Variants in RERG observed in about 807,000 individuals in gnomAD.
The protein encoded by RERG is ras-related and estrogen-regulated growth inhibitor.
RERG carries 25 observed loss-of-function variants against 23.2 expected under a neutral mutation model. That is an observed-to-expected ratio of 1.08 (90% CI 0.79 to 1.50). The LOEUF is 1.50. RERG is among the 40% of genes most tolerant of loss of function. The pLI is 0.00. For synonymous variants in RERG, 81 were observed against 89.1 expected (o/e 0.91, Z 0.51); for missense variants, 253 against 250.1 (o/e 1.01, Z -0.08).
intron 2 of RERG, among the ~76,000 whole-genome samples, chr12:15,152,697 T>G (rs1184555527): frequency 6.6e-6 from 1 of 152,166 alleles, no homozygotes; most frequent in East Asian, 1.9e-4. Flanking sequence ...AATAGAAATT[T>G]GCTCTGAAGA....
intron 2 of RERG, among the ~76,000 whole-genome samples, chr12:15,124,506 G>A (rs1157607393): frequency 1.3e-5 from 2 of 151,972 alleles, no homozygotes; most frequent in Admixed American, 1.3e-4. Flanking sequence ...TATCATACTT[G>A]AAAAATATGT....
chr12:15,199,284 C>A (rs1185484820), intron 2 of RERG, among the ~76,000 whole-genome samples: 1 of 152,066 alleles, frequency 6.6e-6, no homozygotes, highest in Admixed American at 6.6e-5. Flanking sequence ...TAGTTGCTAT[C>A]ATTTCTATTG....
At chr12:15,170,350 A>G (rs549662094) in intron 2 of RERG, among the ~76,000 whole-genome samples, 1 of 152,020 alleles carries the variant, frequency 6.6e-6, no homozygotes, top group Admixed American at 6.6e-5. Flanking sequence ...GTGTAGGGGG[A>G]AGGGAGTGGG....
intron 2 of RERG, among the ~76,000 whole-genome samples, chr12:15,168,495 T>C (rs1281631033): frequency 6.6e-6 from 1 of 152,202 alleles, no homozygotes; most frequent in African/African-American, 2.4e-5. Context: ...CAAAATGAGA[T>C]AACACAAGTG....
chr12:15,196,557 T>C (rs1402773645), intron 2 of RERG, among the ~76,000 whole-genome samples: 3 of 152,158 alleles, frequency 2.0e-5, no homozygotes, highest in Admixed American at 6.5e-5. Flanking sequence ...CCCAAGACTG[T>C]AGACCTTGCA....
chr12:15,189,031 T>C (rs1402763856), intron 2 of RERG, among the ~76,000 whole-genome samples: 1 of 152,190 alleles, frequency 6.6e-6, no homozygotes, highest in Non-Finnish European at 1.5e-5. Flanking sequence ...GTGATGGTAA[T>C]GTTCTATGTT....
At chr12:15,166,039 A>G (rs185963980) in intron 2 of RERG, among the ~76,000 whole-genome samples, 1 of 152,208 alleles carries the variant, frequency 6.6e-6, no homozygotes, top group Non-Finnish European at 1.5e-5. Flanking sequence ...ACTAGAGATA[A>G]TTCAAAACCC....
At chr12:15,115,197 G>C (rs1032541751) in intron 3 of RERG, among the ~76,000 whole-genome samples, 1 of 152,004 alleles carries the variant, frequency 6.6e-6, no homozygotes, top group Non-Finnish European at 1.5e-5. Context: ...AGCGCATACT[G>C]CTTCTATTTG....
intron 2 of RERG, among the ~76,000 whole-genome samples, chr12:15,168,950 T>C (rs2136120234): frequency 6.6e-6 from 1 of 152,312 alleles, no homozygotes; most frequent in South Asian, 2.1e-4. Flanking sequence ...CATAGGCAAC[T>C]CAAGGGTATG....
intron 2 of RERG, among the ~76,000 whole-genome samples, chr12:15,136,382 TCA>T (rs1042059926): frequency 6.6e-6 from 1 of 152,050 alleles, no homozygotes; most frequent in Non-Finnish European, 1.5e-5. Context: ...TATTCTATTT[TCA>T]GTTACATTGA....
At chr12:15,161,211 AAAGAAAG>A (rs1864608340) in intron 2 of RERG, among the ~76,000 whole-genome samples, 1 of 134,334 alleles carries the variant, frequency 7.4e-6, no homozygotes, top group African/African-American at 2.6e-5. Flanking sequence ...AGAAAGAAAG[AAAGAAAG>A]AAAGAAAGAA....
intron 3 of RERG, among the ~76,000 whole-genome samples, chr12:15,116,298 A>G (rs1863720529): frequency 6.6e-6 from 1 of 152,180 alleles, no homozygotes; most frequent in Admixed American, 6.5e-5. Flanking sequence ...TTTTGAAAAG[A>G]CTGGCATCAG....
At chr12:15,151,303 A>G (rs1328266555) in intron 2 of RERG, among the ~76,000 whole-genome samples, 1 of 152,158 alleles carries the variant, frequency 6.6e-6, no homozygotes, top group South Asian at 2.1e-4. Context: ...AAACATGCCT[A>G]TTTCTCCTTT....
chr12:15,135,925 A>G (rs111976977), intron 2 of RERG, among the ~76,000 whole-genome samples: 2,048 of 152,222 alleles, frequency 0.013, 52 homozygotes, highest in African/African-American at 0.047. Flanking sequence ...AGAATGAGTT[A>G]GGACGTATTC....
intron 2 of RERG, among the ~76,000 whole-genome samples, chr12:15,163,695 C>A (rs1223706790): frequency 6.6e-6 from 1 of 152,110 alleles, no homozygotes; most frequent in Admixed American, 6.5e-5. Context: ...AAACTGTAAC[C>A]ACAACTAGAG....
At chr12:15,168,541 C>T (rs2136119984) in intron 2 of RERG, among the ~76,000 whole-genome samples, 1 of 152,324 alleles carries the variant, frequency 6.6e-6, no homozygotes, top group Non-Finnish European at 1.5e-5. Context: ...TTAAAAGAGT[C>T]AAGATCTCCT....
At chr12:15,149,029 C>G (rs555903921) in intron 2 of RERG, among the ~76,000 whole-genome samples, 2 of 151,514 alleles carry the variant, frequency 1.3e-5, no homozygotes, top group Non-Finnish European at 2.9e-5. Flanking sequence ...CCACCACGCC[C>G]GGCTAATTTT....
intron 2 of RERG, among the ~76,000 whole-genome samples, chr12:15,159,663 A>T (rs1389613704): frequency 2.0e-5 from 3 of 152,182 alleles, no homozygotes; most frequent in African/African-American, 7.2e-5. Flanking sequence ...CTCTACTAAA[A>T]ATACCAAAAA....
At chr12:15,154,009 G>T (rs978697066) in intron 2 of RERG, among the ~76,000 whole-genome samples, 1 of 152,128 alleles carries the variant, frequency 6.6e-6, no homozygotes, top group Admixed American at 6.6e-5. Context: ...GCCAAGGACG[G>T]CCTGAGGTTA....
Sources: gnomAD v4.1 joint callset for allele counts (sites outside exome capture counted in the v4.1 genomes callset) on GRCh38, gnomAD v4.1.1 for gene constraint, MANE v1.5 for transcripts, NCBI Gene and HGNC (gene_info 2026-07-23, HGNC 2026-07-21) for gene names.